The following CCL19 variants were observed in gnomAD, a reference collection of about 807,000 sequenced individuals.
The protein encoded by CCL19 is C-C motif chemokine ligand 19.
A neutral mutation model predicts 9.7 loss-of-function variants in CCL19; 5 were observed. The ratio of observed to expected loss-of-function variants is 0.51; its 90% CI spans 0.27 to 1.08. The LOEUF (loss-of-function observed/expected upper bound fraction) is 1.08, where lower values mean the gene tolerates loss of function less well. CCL19 is among the 50% of genes least tolerant of loss of function. The pLI is 0.12. For missense variants in CCL19, 90 were observed against 122.5 expected, an observed-to-expected ratio of 0.73 and a Z score of 1.25; for synonymous variants, 40 against 47.4, an observed-to-expected ratio of 0.84 and a Z score of 0.64.
At position 34,691,024 on chromosome 9, in the gene CCL19, G is replaced by C. The variant is rs1468992166; in HGVS notation, c.49+67C>G. On this transcript the variant is annotated intron_variant, in intron 1 of 3. Transcript: ENST00000311925. ...CCTTACGTCCAGTGCCAAGCAATCT[G>C]AGATCTAGACATTACCCACTGCCAG... The C allele has an allele frequency of 3.6e-6, 5 of 1,372,718 alleles. No homozygotes were observed. The African/African-American group carries it at 7.2e-5, about 20-fold the overall frequency. 85.0% of individuals were successfully genotyped at this position (1,372,718 alleles called of 1,614,324 possible).
chr9:34,691,130 G>T lies in CCL19; in HGVS notation c.10C>A (p.Leu4Ile), dbSNP rs775824329. ...AGAACCAGCAGGCTGAGGGCCAGTA[G>T]CAGGGCCATGGAGGGTGAACAGAGG... MAL[L>I]LALSLLVLWT... The change falls in exon 1 of 4, where the codon CTA becomes ATA. Residue 4 changes from leucine to isoleucine, a missense_variant. Physicochemically the swap from Leu to Ile is conservative, Grantham distance 5. Transcript: ENST00000311925. 1.2e-6 allele frequency: 2 copies of T among 1,613,440 alleles called. No homozygotes were observed. The highest frequency in any genetic ancestry group is 1.7e-6 in the Non-Finnish European group (2 of 1,179,764).
At position 34,690,257 on chromosome 9, in the gene CCL19, G is replaced by C; in HGVS notation, c.135C>G (p.Asn45Lys). Residue 45 changes from asparagine to lysine, a missense_variant, in exon 2 of 4, where the codon AAC (asparagine) becomes AAG (lysine). By Grantham distance (94) the Asn-to-Lys change is moderately conservative (BLOSUM62 0). Transcript: ENST00000311925. ...QKPIPGYIVR[N>K]FHYLLIKDGC... ...CATCCTTGATGAGAAGGTAGTGGAA[G>C]TTCCTCACGATGTACCCAGGGATGG... is the stretch of plus-strand genomic sequence containing the variant. The C allele has an allele frequency of 6.2e-7, 1 of 1,614,174 alleles. No homozygotes were observed.
Position 34,689,740 on chromosome 9 carries a change from C to T in CCL19, c.*79G>A. ...GGAGCTGGAAGCCTGGTCCTTCCTT[C>T]TGGTCCTCGGTTCCCCAGGTTAGGT... On this transcript the variant is annotated 3_prime_UTR_variant, in exon 4 of 4. Transcript: ENST00000311925. This position sits in a 1 kb window ranked among gnomAD's most constrained non-coding sequence, Gnocchi z 4.1. 1.3e-6 allele frequency: 2 copies of T among 1,555,426 alleles called. No homozygotes were observed. The highest frequency in any genetic ancestry group is 1.8e-6 in the Non-Finnish European group (2 of 1,131,030).
In CCL19 at chr9:34,689,775, C is replaced by T. The variant is rs781684459; in HGVS notation, c.*44G>A. 2.5e-6 allele frequency: 4 copies of T among 1,613,002 alleles called. No homozygotes were observed. Among genetic ancestry groups the T allele is most frequent in the African/African-American group, 1.3e-5 (1 of 75,016 alleles). Reference sequence around the variant, plus strand: ...GTTCCCCAGGTTAGGTAATAATTCACAATGCTTGACTCGGACTCCGGGCTC... The same window carrying T: ...GTTCCCCAGGTTAGGTAATAATTCATAATGCTTGACTCGGACTCCGGGCTC... On this transcript the variant is annotated 3_prime_UTR_variant, in exon 4 of 4. Transcript: ENST00000311925. This position sits in a 1 kb window ranked among gnomAD's most constrained non-coding sequence, Gnocchi z 4.1.
Position 34,689,852 on chromosome 9 carries a change from G to T in CCL19, c.277-13C>A. On this transcript the variant is annotated splice_polypyrimidine_tract_variant and intron_variant, in intron 3 of 3. Coordinates refer to ENST00000311925, the MANE Select transcript of CCL19 (RefSeq NM_006274.3). The surrounding 1 kb of genome is among the most constrained non-coding windows in gnomAD (Gnocchi z 4.1). ...TGCGGCGCTTCATCTAGAGGAGGAA[G>T]GAGAGGAAGGATCATGGGCTGGAAT... 1 of 1,614,182 alleles carries T rather than the reference G, an allele frequency of 6.2e-7. No individual in the cohort carries two copies.
chr9:34,690,201 A>C lies in CCL19; in HGVS notation c.182+9T>G, dbSNP rs1228316180. The C allele has an allele frequency of 6.2e-7, 1 of 1,614,094 alleles. No homozygotes were observed. Among genetic ancestry groups the C allele is most frequent in the East Asian group, 2.2e-5 (1 of 44,884 alleles). ...GGAGATGAGGCTAGACACCCTCCCC[A>C]CAACTCACACTACAGCAGGCACCCT... On this transcript the variant is annotated intron_variant, in intron 2 of 3. Coordinates refer to ENST00000311925, the MANE Select transcript of CCL19 (RefSeq NM_006274.3).
At position 34,690,078 on chromosome 9, in the gene CCL19, C is replaced by T. The variant is rs985203603; in HGVS notation, c.183-55G>A. ...CCCAGAATCCAGCATGCCTGGGGAC[C>T]ATGTCTGGGAACCTGTTTCAGGGAT... On this transcript the variant is annotated intron_variant, in intron 2 of 3. Coordinates refer to ENST00000311925, the MANE Select transcript of CCL19 (RefSeq NM_006274.3). The T allele has an allele frequency of 7.5e-6, 12 of 1,594,586 alleles. No homozygotes were observed. In the African/African-American group the frequency reaches 1.2e-4, roughly 16 times the overall value.
chr9:34,690,103 T>C, intron 2 of CCL19, 80 bp from the exon 3 acceptor site: 4 of 1,586,548 alleles, frequency 2.5e-6, no homozygotes, highest in African/African-American at 1.3e-5. Flanking sequence ...GTTTCAGGGA[T>C]TTCCTTGAAG....
intron 2 of CCL19, 55 bp downstream of exon 2, chr9:34,690,155 G>A (rs1821777264): frequency 1.2e-6 from 2 of 1,605,328 alleles, no homozygotes; most frequent in Admixed American, 3.3e-5. Flanking sequence ...GAAGGTGGGA[G>A]TCTCAACAGG....
chr9:34,690,480 C>A, intron 1 of CCL19, 138 bp from the exon 2 acceptor site: 2 of 741,734 alleles, frequency 2.7e-6, no homozygotes, highest in Non-Finnish European at 4.3e-6. Flanking sequence ...CTGGTGGGGT[C>A]GGGGAGGAGT....
chr9:34,690,176 G>A lies in CCL19; in HGVS notation c.182+34C>T, dbSNP rs762650471. The A allele has an allele frequency of 5.6e-6, 9 of 1,612,400 alleles. No homozygotes were observed. In the African/African-American group the frequency reaches 9.4e-5, roughly 17 times the overall value. On this transcript the variant is annotated intron_variant, in intron 2 of 3. Transcript: ENST00000311925. ...GGGAGTCTCAACAGGGGCTAAAACG[G>A]GAGATGAGGCTAGACACCCTCCCCA... is the stretch of plus-strand genomic sequence containing the variant.
Position 34,689,737 on chromosome 9 carries a change from C to T in CCL19, c.*82G>A. ...AGAGGAGCTGGAAGCCTGGTCCTTC[C>T]TTCTGGTCCTCGGTTCCCCAGGTTA... On this transcript the variant is annotated 3_prime_UTR_variant, in exon 4 of 4. Transcript: ENST00000311925. The surrounding 1 kb of genome is among the most constrained non-coding windows in gnomAD (Gnocchi z 4.1). 1 of 1,545,082 alleles carries T rather than the reference C, an allele frequency of 6.5e-7. No homozygotes were observed. The highest frequency in any genetic ancestry group is 1.4e-5 in the African/African-American group (1 of 73,698).
chr9:34,689,575 T>G lies in CCL19; in HGVS notation c.*244A>C. ...CTGTAACAGGTTGTGATCAATTAGTTGTAAACACCAGGCGGCTTTATTGGT... is the reference window on the plus strand; with the variant it reads ...CTGTAACAGGTTGTGATCAATTAGTGGTAAACACCAGGCGGCTTTATTGGT... On this transcript the variant is annotated 3_prime_UTR_variant, in exon 4 of 4. Coordinates refer to ENST00000311925, the MANE Select transcript of CCL19 (RefSeq NM_006274.3). This position sits in a 1 kb window ranked among gnomAD's most constrained non-coding sequence, Gnocchi z 4.1. The G allele has an allele frequency of 1.9e-6, 1 of 536,080 alleles. No homozygotes were observed. Among genetic ancestry groups the G allele is most frequent in the Non-Finnish European group, 3.3e-6 (1 of 302,450 alleles). The allele number at this position is 536,080 out of a possible 1,614,324, so 33.2% of individuals were successfully genotyped here. A position where few individuals can be genotyped will look rare whatever the true frequency, so the allele number is the denominator to read the frequency against.
Position 34,690,270 on chromosome 9 carries a change from T to C in CCL19, c.122A>G (p.Tyr41Cys). ...LSVTQKPIPGYIVRNFHYLLI... is the reference protein window; with the variant it reads ...LSVTQKPIPGCIVRNFHYLLI... ...AAGGTAGTGGAAGTTCCTCACGATG[T>C]ACCCAGGGATGGGTTTCTGGGTCAC... is the stretch of plus-strand genomic sequence containing the variant. Residue 41 changes from tyrosine (Y) to cysteine (C), a missense_variant, in exon 2 of 4, where the codon TAC becomes TGC. Coordinates refer to ENST00000311925, the MANE Select transcript of CCL19 (RefSeq NM_006274.3). The C allele has an allele frequency of 2.5e-6, 4 of 1,613,996 alleles. No individual in the cohort carries two copies. Among genetic ancestry groups the C allele is most frequent in the Non-Finnish European group, 2.5e-6 (3 of 1,179,852 alleles).
chr9:34,691,100 T>G lies in CCL19; in HGVS notation c.40A>C (p.Thr14Pro). ...CTCCCTTCAGCCTTACCTGGGGAAG[T>G]CCAGAGAACCAGCAGGCTGAGGGCC... ...LLALSLLVLW[T>P]SPAPTLSGTN... The change falls in exon 1 of 4, where the codon ACT becomes CCT. Residue 14 changes from threonine (T) to proline (P), a missense_variant. Coordinates refer to ENST00000311925, the MANE Select transcript of CCL19 (RefSeq NM_006274.3). 6.2e-7 allele frequency: 1 copy of G among 1,611,038 alleles called. No homozygotes were observed. The highest frequency in any genetic ancestry group is 8.5e-7 in the Non-Finnish European group (1 of 1,178,720).
In CCL19 at chr9:34,689,829, C is replaced by CG; in HGVS notation, c.286dup (p.Arg96ProfsTer20). 1 of 1,614,136 alleles carries CG rather than the reference C, an allele frequency of 6.2e-7. No homozygotes were observed. The highest frequency in any genetic ancestry group is 8.5e-7 in the Non-Finnish European group (1 of 1,180,014). ...CTGCACGGTCATAGGTTAACTGCTG[C>CG]GGCGCTTCATCTAGAGGAGGAAGGA... On this transcript the variant is annotated frameshift_variant, in exon 4 of 4. Coordinates refer to ENST00000311925, the MANE Select transcript of CCL19 (RefSeq NM_006274.3). LOFTEE classifies it high-confidence loss of function. This position sits in a 1 kb window ranked among gnomAD's most constrained non-coding sequence, Gnocchi z 4.1.
Position 34,689,794 on chromosome 9 carries a change from C to G in CCL19, c.*25G>C. The G allele has an allele frequency of 6.2e-7, 1 of 1,613,942 alleles. No individual in the cohort carries two copies. Among genetic ancestry groups the G allele is most frequent in the Non-Finnish European group, 8.5e-7 (1 of 1,179,878 alleles). ...AATTCACAATGCTTGACTCGGACTCCGGGCTCCCTCTGCACGGTCATAGGT... is the reference window on the plus strand; with the variant it reads ...AATTCACAATGCTTGACTCGGACTCGGGGCTCCCTCTGCACGGTCATAGGT... On this transcript the variant is annotated 3_prime_UTR_variant, in exon 4 of 4. Transcript: ENST00000311925. This position sits in a 1 kb window ranked among gnomAD's most constrained non-coding sequence, Gnocchi z 4.1.
At chr9:34,690,389 G>A in intron 1 of CCL19, 47 bp from the exon 2 acceptor site, 1 of 1,603,320 alleles carries the variant, frequency 6.2e-7, no homozygotes, top group Non-Finnish European at 8.5e-7. Flanking sequence ...CCTTGAGGGT[G>A]GCATGGCCAT....
intron 1 of CCL19, 101 bp downstream of exon 1, chr9:34,690,990 C>T (rs1821785799): frequency 9.5e-7 from 1 of 1,057,226 alleles, no homozygotes; most frequent in Non-Finnish European, 1.4e-6. Context: ...TGCCTGAACT[C>T]ACCATGTCCC....
Sources: allele counts gnomAD v4.1 joint callset, GRCh38; gene constraint gnomAD v4.1.1; non-coding constraint Gnocchi (gnomAD v3.1); transcripts MANE v1.5; gene names NCBI Gene and HGNC (gene_info 2026-07-23, HGNC 2026-07-21).